Variants in SPDL1 observed in about 807,000 individuals in gnomAD.
SPDL1 encodes spindle apparatus coiled-coil protein 1, also known as protein Spindly.
Under a neutral mutation model 79.5 loss-of-function variants are expected in SPDL1, and 85 were observed. The observed-to-expected ratio is 1.07, with a 90% CI of 0.90 to 1.28. The LOEUF is 1.28. SPDL1 is among the 50% of genes most tolerant of loss of function. The pLI is 0.00. For synonymous variants in SPDL1, 269 were observed against 240.3 expected, an observed-to-expected ratio of 1.12 and a Z score of -1.10; for missense variants, 703 against 697.8, an observed-to-expected ratio of 1.01 and a Z score of -0.08.
At position 169,591,168 on chromosome 5, in the gene SPDL1, T is replaced by G; in HGVS notation, c.280T>G (p.Leu94Val). 6.2e-7 allele frequency: 1 copy of G among 1,613,880 alleles called. No individual in the cohort carries two copies. Among genetic ancestry groups the G allele is most frequent in the Non-Finnish European group, 8.5e-7 (1 of 1,179,950 alleles). Residue 94 changes from leucine (L) to valine (V), a missense_variant, in exon 3 of 12, where the codon TTG becomes GTG. Physicochemically the swap from Leu to Val is conservative, Grantham distance 32. Coordinates refer to ENST00000265295, the MANE Select transcript of SPDL1 (RefSeq NM_017785.5). ...KQQQKMHLEK[L>V]EEQLSRSHGQ... is the part of the protein sequence containing the mutation. ...ACAACAAAAAATGCACCTGGAGAAA[T>G]TGGAAGAACAACTAAGCAGAAGCCA...
chr5:169,601,147 C>T, intron 10 of SPDL1, 133 bp from the exon 11 acceptor site: 1 of 678,770 alleles, frequency 1.5e-6, no homozygotes. Context: ...ACAAAGGATG[C>T]ATTTCAGTGA....
chr5:169,587,229 A>G (rs1399523556), intron 1 of SPDL1: 1 of 151,694 alleles, frequency 6.6e-6, no homozygotes, highest in Non-Finnish European at 1.5e-5. Context: ...TTTTTCGTCC[A>G]TTTTGTTCCC....
In SPDL1 at chr5:169,598,577, AAAGT is replaced by A. The variant is rs1185346522; in HGVS notation, c.1136+3_1136+6del. On this transcript the variant is annotated splice_donor_variant and coding_sequence_variant, in exon 9 of 12. Transcript: ENST00000265295. LOFTEE classifies it high-confidence loss of function. ...TACTTCAGATGAAGCTGGATAACTT[AAAGT>A]AAGTGTCTGGGTTGGTGGATGGAAA... 3 of 1,602,422 alleles carry A rather than the reference AAAGT, an allele frequency of 1.9e-6. No homozygotes were observed. Among genetic ancestry groups the A allele is most frequent in the East Asian group, 2.2e-5 (1 of 44,730 alleles).
Position 169,598,489 on chromosome 5 carries a change from G to A in SPDL1, c.1046G>A (p.Ser349Asn). The A allele has an allele frequency of 6.2e-7, 1 of 1,610,336 alleles. No homozygotes were observed. The highest frequency in any genetic ancestry group is 8.5e-7 in the Non-Finnish European group (1 of 1,176,878). Residue 349 changes from serine (S) to asparagine (N), a missense_variant, in exon 9 of 12, where the codon AGT (serine) becomes AAT (asparagine). By Grantham distance (46) the Ser-to-Asn change is conservative. Transcript: ENST00000265295. ...NLEKFKNLYD[S>N]MESKPSVDSG... ...TGCTTTTTTAAGAATTTATATGACA[G>A]TATGGAATCTAAGCCTTCAGTCGAC...
chr5:169,590,737 C>T (rs1755230720), intron 2 of SPDL1: 1 of 472,730 alleles, frequency 2.1e-6, no homozygotes, highest in African/African-American at 2.0e-5. Flanking sequence ...GCTGTTAAAT[C>T]TTTTTTTGTT....
chr5:169,592,170 T>G (rs1011506219), intron 3 of SPDL1, among the ~76,000 whole-genome samples: 1 of 152,090 alleles, frequency 6.6e-6, no homozygotes, highest in African/African-American at 2.4e-5. Context: ...TCTCTTTTAA[T>G]GTTTACTGAT....
chr5:169,599,986 A>G (rs1233137077), intron 10 of SPDL1, among the ~76,000 whole-genome samples: 1 of 152,216 alleles, frequency 6.6e-6, no homozygotes, highest in African/African-American at 2.4e-5. Context: ...ACTGAGCTGG[A>G]AAGTAGCCTA....
In SPDL1 at chr5:169,593,485, G is replaced by C. The variant is rs570031255; in HGVS notation, c.468G>C (p.Gln156His). The change falls in exon 4 of 12, where the codon CAG becomes CAC. Residue 156 changes from glutamine to histidine, a missense_variant. Coordinates refer to ENST00000265295, the MANE Select transcript of SPDL1 (RefSeq NM_017785.5). ...EELRVMSERVQESMSSEMLAL... is the reference protein window; with the variant it reads ...EELRVMSERVHESMSSEMLAL... ...TGCGCGTAATGTCTGAACGTGTGCAGGAAAGCATGTCTTCAGAGATGCTGG... is the reference window on the plus strand; with the variant it reads ...TGCGCGTAATGTCTGAACGTGTGCACGAAAGCATGTCTTCAGAGATGCTGG... 16 of 1,613,998 alleles carry C rather than the reference G, an allele frequency of 9.9e-6. No homozygotes were observed. The African/African-American group carries it at 2.1e-4, about 22-fold the overall frequency.
intron 4 of SPDL1, among the ~76,000 whole-genome samples, chr5:169,593,884 T>C (rs1755434865): frequency 6.6e-6 from 1 of 152,180 alleles, no homozygotes; most frequent in Non-Finnish European, 1.5e-5. Context: ...GAACTTGGTT[T>C]TTTCATTGAA....
intron 2 of SPDL1, among the ~76,000 whole-genome samples, chr5:169,589,954 A>T (rs1417320839): frequency 6.6e-6 from 1 of 152,046 alleles, no homozygotes; most frequent in Admixed American, 6.5e-5. Flanking sequence ...CTGCCTGCCG[A>T]AGTGCTGGGA....
At chr5:169,592,959 A>C (rs1029326450) in intron 3 of SPDL1, among the ~76,000 whole-genome samples, 17 of 152,096 alleles carry the variant, frequency 1.1e-4, no homozygotes, top group Middle Eastern at 3.4e-3. Context: ...AGTTCTAAGA[A>C]CTTGACCTAC....
rs1755921334 is a variant in SPDL1, at chr5:169,601,565, G to C, written c.1610G>C (p.Gly537Ala). 6.2e-7 allele frequency: 1 copy of C among 1,614,172 alleles called. No individual in the cohort carries two copies. The highest frequency in any genetic ancestry group is 1.3e-5 in the African/African-American group (1 of 75,040). The change falls in exon 11 of 12, where the codon GGA (glycine) becomes GCA (alanine). Residue 537 changes from glycine to alanine, a missense_variant. Transcript: ENST00000265295. ...GAAAAGAAATGTGTGAAACTCATAG[G>C]AGTTCCCGCTGACGCTGAGGCCTTA... ...KKEKKCVKLI[G>A]VPADAEALSE...
rs749690829 is a variant in SPDL1, at chr5:169,599,057, C to T, written c.1222C>T (p.Arg408Ter). 6.9e-6 allele frequency: 11 copies of T among 1,600,716 alleles called. No individual in the cohort carries two copies. The East Asian group carries it at 9.0e-5, about 13-fold the overall frequency. ...GAGCCAGCGGGCTCTAGATATTGAG[C>T]GAAAACTTTTTGCAAATGAAAGATG... ...FESQRALDIERKLFANERCLQ... is the reference protein window; with the variant it reads ...FESQRALDIE The change falls in exon 10 of 12, where the codon CGA (arginine) becomes TGA (stop). Residue 408 changes from arginine to a stop codon, truncating the protein, a stop_gained. Coordinates refer to ENST00000265295, the MANE Select transcript of SPDL1 (RefSeq NM_017785.5). LOFTEE classifies it high-confidence loss of function.
At chr5:169,601,703 G>A (rs926783847) in intron 11 of SPDL1, 78 bp downstream of exon 11, 4 of 1,275,226 alleles carry the variant, frequency 3.1e-6, no homozygotes, top group African/African-American at 1.5e-5. Flanking sequence ...TGTGCTGTCT[G>A]TTTCTTTATC....
rs376844896 is a variant in SPDL1, at chr5:169,585,124, T to C, written c.-24+1235T>C. On this transcript the variant is annotated intron_variant, in intron 1 of 11. Coordinates refer to ENST00000265295, the MANE Select transcript of SPDL1 (RefSeq NM_017785.5). Reference sequence around the variant, plus strand: ...TCTCTTTGTAGATTGATAGGTTAACTCTTTCTCATCCATTAGACCTCTGCT... The same window carrying C: ...TCTCTTTGTAGATTGATAGGTTAACCCTTTCTCATCCATTAGACCTCTGCT... Among the ~76,000 whole-genome samples, 33 of 152,342 alleles carry C rather than the reference T, an allele frequency of 2.2e-4. No individual in the cohort carries two copies. In the South Asian group the frequency reaches 6.6e-3, roughly 31 times the overall value.
At chr5:169,594,926 C>G (rs1454510549) in intron 7 of SPDL1, among the ~76,000 whole-genome samples, 1 of 152,104 alleles carries the variant, frequency 6.6e-6, no homozygotes, top group East Asian at 1.9e-4. Context: ...TGGTTACTCA[C>G]TAGCTTTGAC....
intron 9 of SPDL1, 45 bp downstream of exon 9, chr5:169,598,624 C>A: frequency 6.9e-7 from 1 of 1,459,128 alleles, no homozygotes; most frequent in Non-Finnish European, 9.6e-7. Context: ...ATGTCACTTG[C>A]TTACTATGGT....
Position 169,601,371 on chromosome 5 carries a change from T to C in SPDL1, c.1416T>C (p.Ala472=), listed in dbSNP as rs1464966208. ...AAGATGCATGTGTCAACAACAGTGC[T>C]CTCGGGGGAGAAGTTTATCGATTAC... ...TAKDACVNNS[A]LGGEVYRLPP... The change falls in exon 11 of 12, where the codon GCT becomes GCC. Residue 472 remains alanine (A), a synonymous_variant. Transcript: ENST00000265295. 2 of 1,613,896 alleles carry C rather than the reference T, an allele frequency of 1.2e-6. No homozygotes were observed. The highest frequency in any genetic ancestry group is 1.3e-5 in the African/African-American group (1 of 74,868).
intron 11 of SPDL1, among the ~76,000 whole-genome samples, chr5:169,602,215 A>T (rs1700601742): frequency 6.6e-6 from 1 of 152,218 alleles, no homozygotes; most frequent in African/African-American, 2.4e-5. Flanking sequence ...TGTGTGTCTG[A>T]AGGAATTAAT....
Sources: allele counts gnomAD v4.1 joint callset (sites outside exome capture counted in the v4.1 genomes callset), GRCh38; gene constraint gnomAD v4.1.1; transcripts MANE v1.5; gene names NCBI Gene and HGNC (gene_info 2026-07-23, HGNC 2026-07-21).